CA10: variants seen among roughly 807,000 people sequenced by gnomAD.
CA10 encodes carbonic anhydrase 10 (inactive), also known as carbonic anhydrase-related protein 10.
Under a neutral mutation model 44.2 loss-of-function variants are expected in CA10, and 14 were observed. The ratio of observed to expected loss-of-function variants is 0.32; its 90% CI spans 0.21 to 0.50. The LOEUF is 0.50. Ranked by LOEUF, CA10 falls within the 20% of genes least tolerant of loss-of-function variation. The pLI is 0.99. For missense variants in CA10, 350 were observed against 409.7 expected (o/e 0.85, Z 1.26); for synonymous variants, 159 against 141.6 (o/e 1.12, Z -0.87).
intron 3 of CA10, among the ~76,000 whole-genome samples, chr17:51,854,775 G>A (rs1171153217): frequency 6.6e-6 from 1 of 152,190 alleles, no homozygotes; most frequent in African/African-American, 2.4e-5. Context: ...TTACTGTGGT[G>A]TCCACAGGGG....
chr17:51,748,857 T>G (rs1904797763), intron 3 of CA10, among the ~76,000 whole-genome samples: 1 of 152,214 alleles, frequency 6.6e-6, no homozygotes, highest in African/African-American at 2.4e-5. Flanking sequence ...TTTCCACCTT[T>G]CTGACACTGG....
At chr17:51,974,348 C>T (rs1470435035) in intron 2 of CA10, among the ~76,000 whole-genome samples, 1 of 148,414 alleles carries the variant, frequency 6.7e-6, no homozygotes, top group Admixed American at 6.7e-5. Flanking sequence ...CACGTCACTG[C>T]ACTCCAGCCT....
chr17:51,831,733 A>AGCAGCAGCAGCCGCCGCCGCAGC (rs1567854687), intron 3 of CA10, among the ~76,000 whole-genome samples: 2 of 121,522 alleles, frequency 1.6e-5, no homozygotes, highest in African/African-American at 8.3e-5. Flanking sequence ...GCAGCAGCAG[A>AGCAGCAGCAGCCGCCGCCGCAGC]AAAAGACCTT....
chr17:52,101,390 G>A (rs1988536342), intron 1 of CA10, among the ~76,000 whole-genome samples: 1 of 152,180 alleles, frequency 6.6e-6, no homozygotes, highest in Admixed American at 6.5e-5. Context: ...CATCATGTCA[G>A]CAGCAGAATT....
At chr17:52,108,941 T>C (rs1050037481) in intron 1 of CA10, among the ~76,000 whole-genome samples, 1 of 152,008 alleles carries the variant, frequency 6.6e-6, no homozygotes, top group African/African-American at 2.4e-5. Flanking sequence ...ACAAACTTTT[T>C]TTAAAAAAAA....
chr17:51,833,590 T>G (rs1908364589), intron 3 of CA10, among the ~76,000 whole-genome samples: 2 of 152,228 alleles, frequency 1.3e-5, no homozygotes, highest in Non-Finnish European at 2.9e-5. Context: ...CAGAGCTGTG[T>G]TCAAACCACA....
At chr17:52,061,068 A>C (rs1987370832) in intron 2 of CA10, among the ~76,000 whole-genome samples, 1 of 152,156 alleles carries the variant, frequency 6.6e-6, no homozygotes, top group Non-Finnish European at 1.5e-5. Flanking sequence ...AAAAAGAATA[A>C]TGGTCTTCCC....
chr17:51,926,560 A>G (rs928200961), intron 3 of CA10, among the ~76,000 whole-genome samples: 7 of 152,178 alleles, frequency 4.6e-5, no homozygotes, highest in African/African-American at 1.7e-4. Context: ...TTAAAGTGTC[A>G]GTAGGGCTGT....
chr17:51,926,697 G>A (rs954609646), intron 3 of CA10, among the ~76,000 whole-genome samples: 4 of 152,088 alleles, frequency 2.6e-5, no homozygotes, highest in African/African-American at 4.8e-5. Flanking sequence ...GTTCTGATTC[G>A]GACTCTCCTG....
chr17:51,995,200 T>G (rs1985189727), intron 2 of CA10, among the ~76,000 whole-genome samples: 1 of 152,028 alleles, frequency 6.6e-6, no homozygotes, highest in Admixed American at 6.6e-5. Context: ...GATTTATTGC[T>G]CACATCTCAA....
intron 3 of CA10, among the ~76,000 whole-genome samples, chr17:51,887,502 G>A (rs981896056): frequency 1.3e-5 from 2 of 152,168 alleles, no homozygotes; most frequent in African/African-American, 4.8e-5. Flanking sequence ...TATGGGAACA[G>A]CAAAGTCTTT....
intron 1 of CA10, chr17:52,134,843 T>C (rs758292490): frequency 3.9e-6 from 2 of 518,738 alleles, no homozygotes; most frequent in African/African-American, 3.9e-5. Flanking sequence ...CTCCACCCCA[T>C]GCATGAGCCA....
intron 2 of CA10, among the ~76,000 whole-genome samples, chr17:52,028,055 T>TA (rs1371628510): frequency 4.6e-5 from 7 of 152,116 alleles, no homozygotes; most frequent in African/African-American, 1.7e-4. Context: ...TCTCTGTAAA[T>TA]ACAAGCAGCA....
chr17:52,084,799 A>G (rs552179862), intron 1 of CA10, among the ~76,000 whole-genome samples: 2 of 119,618 alleles, frequency 1.7e-5, no homozygotes, highest in Admixed American at 7.7e-5. Flanking sequence ...GTAAGACATC[A>G]CAGAATACAG....
intron 2 of CA10, among the ~76,000 whole-genome samples, chr17:51,996,094 TAATA>T (rs1435870011): frequency 2.0e-5 from 3 of 152,040 alleles, no homozygotes; most frequent in South Asian, 2.1e-4. Context: ...GTGGGTTCAG[TAATA>T]AATAAAGCAT....
intron 1 of CA10, among the ~76,000 whole-genome samples, chr17:52,128,557 A>G (rs966058610): frequency 6.6e-6 from 1 of 152,086 alleles, no homozygotes; most frequent in African/African-American, 2.4e-5. Flanking sequence ...TCCTATCTCT[A>G]CCACTGAGAA....
chr17:51,700,906 G>A (rs554589326), intron 4 of CA10, among the ~76,000 whole-genome samples: 4 of 152,172 alleles, frequency 2.6e-5, no homozygotes, highest in South Asian at 4.2e-4. Flanking sequence ...CACACACCCC[G>A]GGGCCTATGG....
At chr17:51,836,887 A>T (rs1908497783) in intron 3 of CA10, among the ~76,000 whole-genome samples, 1 of 152,132 alleles carries the variant, frequency 6.6e-6, no homozygotes, top group South Asian at 2.1e-4. Flanking sequence ...GGAGCTTGTT[A>T]TGCGTTTTAA....
At chr17:51,860,731 C>T (rs1349001307) in intron 3 of CA10, among the ~76,000 whole-genome samples, 2 of 152,108 alleles carry the variant, frequency 1.3e-5, no homozygotes, top group African/African-American at 4.8e-5. Context: ...AGTTGCTCTG[C>T]TATGTGTCTA....
Sources: gnomAD v4.1 joint callset for allele counts (sites outside exome capture counted in the v4.1 genomes callset) on GRCh38, gnomAD v4.1.1 for gene constraint, MANE v1.5 for transcripts, NCBI Gene and HGNC (gene_info 2026-07-23, HGNC 2026-07-21) for gene names.